Variants in NCK1 observed in about 807,000 individuals in gnomAD.
NCK1 encodes the protein NCK adaptor protein 1.
In NCK1, 19 loss-of-function variants were observed where a neutral mutation model predicts 36.6. The ratio of observed to expected loss-of-function variants is 0.52; its 90% CI spans 0.36 to 0.76. The LOEUF is 0.76. Among genes scored for constraint, NCK1 ranks in the 30% least tolerant of loss-of-function variants. The pLI is 0.00. For missense variants in NCK1, 358 were observed against 445.6 expected (o/e 0.80, Z 1.77); for synonymous variants, 165 against 156.0 (o/e 1.06, Z -0.43).
At position 136,913,435 on chromosome 3, in the gene NCK1, A is replaced by G. The variant is rs190700704; in HGVS notation, c.-18-14549A>G. 3.0e-3 allele frequency among the ~76,000 whole-genome samples: 454 copies of G among 151,908 alleles called. 1 individual carries two copies. Among genetic ancestry groups the G allele is most frequent in the African/African-American group, 9.6e-3 (396 of 41,428 alleles). On this transcript the variant is annotated intron_variant, in intron 1 of 3. Transcript: ENST00000481752. ...AAGTGTGCACCACTATGCCTGCCTA[A>G]TGTTTTATTTTTTGTAGAGACAGGG...
chr3:136,880,620 C>A (rs558925452), intron 1 of NCK1, among the ~76,000 whole-genome samples: 1 of 152,214 alleles, frequency 6.6e-6, no homozygotes, highest in South Asian at 2.1e-4. Context: ...TTAAGACAAT[C>A]AACAAACTTT....
At chr3:136,931,855 C>G (rs1576985593) in intron 2 of NCK1, among the ~76,000 whole-genome samples, 1 of 152,112 alleles carries the variant, frequency 6.6e-6, no homozygotes. Flanking sequence ...CGTGGCAGCT[C>G]AAGCCTGTAA....
Position 136,879,656 on chromosome 3 carries a change from T to G in NCK1, c.-19+17303T>G, listed in dbSNP as rs1467262338. On this transcript the variant is annotated intron_variant, in intron 1 of 3. Transcript: ENST00000481752. Reference sequence around the variant, plus strand: ...CTGGATAAAGAAAATGTGGCACATGTACACCATGGAATACTATGCAGCCAT... The same window carrying G: ...CTGGATAAAGAAAATGTGGCACATGGACACCATGGAATACTATGCAGCCAT... Among the ~76,000 whole-genome samples the G allele has an allele frequency of 2.6e-5, 4 of 152,140 alleles. No homozygotes were observed. In the East Asian group the frequency reaches 7.7e-4, roughly 29 times the overall value.
At chr3:136,876,012 C>G (rs1049140504) in intron 1 of NCK1, among the ~76,000 whole-genome samples, 1 of 151,870 alleles carries the variant, frequency 6.6e-6, no homozygotes, top group Non-Finnish European at 1.5e-5. Flanking sequence ...CTCAAAACCG[C>G]TCAACTACAT....
rs528140888 is a variant in NCK1, at chr3:136,877,331, C to CA, written c.-19+14985dup. Among the ~76,000 whole-genome samples, 62 of 151,972 alleles carry CA rather than the reference C, an allele frequency of 4.1e-4. No homozygotes were observed. In the East Asian group the frequency reaches 9.5e-3, roughly 23 times the overall value. On this transcript the variant is annotated intron_variant, in intron 1 of 3. Transcript: ENST00000481752. The stretch of plus-strand genomic sequence containing the variant: ...TGGAATTAAGCAAGAAATGGATTAC[C>CA]AAAAAAACTAGAAAATTGTCAGCTG...
chr3:136,948,155 T>C, intron 3 of NCK1, 104 bp from the exon 4 acceptor site: 1 of 837,918 alleles, frequency 1.2e-6, no homozygotes, highest in South Asian at 2.3e-5. Flanking sequence ...CCATGGTGCC[T>C]AGGACTTAGT....
chr3:136,910,936 C>T (rs1939815675), intron 1 of NCK1, among the ~76,000 whole-genome samples: 1 of 152,160 alleles, frequency 6.6e-6, no homozygotes, highest in Admixed American at 6.5e-5. Flanking sequence ...TGGCTTCTCC[C>T]CAGTCTCTGG....
rs1367313395 is a variant in NCK1, at chr3:136,949,745, CT to C, written c.*1293del. The C allele has an allele frequency of 1.3e-5, 2 of 151,976 alleles. No homozygotes were observed. The highest frequency in any genetic ancestry group is 2.9e-5 in the Non-Finnish European group (2 of 67,890). 9.4% of individuals were successfully genotyped at this position (151,976 alleles called of 1,614,324 possible). On this transcript the variant is annotated 3_prime_UTR_variant, in exon 4 of 4. Transcript: ENST00000481752. ...CTTTCAACAAATTCCCTAATGCTGC[CT>C]AAGCATATGGATGTTTTAATTCTTT... is the stretch of plus-strand genomic sequence containing the variant.
At chr3:136,930,120 T>C (rs1020078991) in intron 2 of NCK1, among the ~76,000 whole-genome samples, 3 of 152,206 alleles carry the variant, frequency 2.0e-5, no homozygotes, top group African/African-American at 7.2e-5. Context: ...AACTTTTCCC[T>C]TTTCTCATAA....
chr3:136,930,564 G>T, intron 2 of NCK1: 1 of 1,478,298 alleles, frequency 6.8e-7, no homozygotes, highest in Non-Finnish European at 9.0e-7. Context: ...ACTCAAAATG[G>T]ATTGGTTAAA....
chr3:136,934,644 T>A (rs1178864358), intron 2 of NCK1, among the ~76,000 whole-genome samples: 2 of 152,156 alleles, frequency 1.3e-5, no homozygotes. Flanking sequence ...CATTATCTTT[T>A]CTCCTACTCT....
In NCK1 at chr3:136,888,796, T is replaced by C. The variant is rs76435291; in HGVS notation, c.-19+26443T>C. Among the ~76,000 whole-genome samples, 4 of 152,320 alleles carry C rather than the reference T, an allele frequency of 2.6e-5. No individual in the cohort carries two copies. In the East Asian group the frequency reaches 7.7e-4, roughly 29 times the overall value. ...ATTTGCTCATTCTGAACCTTTCATA[T>C]ACATGGAATCATATAGTATGTGGTC... On this transcript the variant is annotated intron_variant, in intron 1 of 3. Transcript: ENST00000481752.
intron 2 of NCK1, among the ~76,000 whole-genome samples, chr3:136,939,015 T>G (rs903775203): frequency 7.2e-5 from 11 of 152,328 alleles, no homozygotes; most frequent in Middle Eastern, 3.4e-3. Context: ...AAGTATTCTC[T>G]CCTTTTTTCT....
intron 1 of NCK1, among the ~76,000 whole-genome samples, chr3:136,925,281 TC>T (rs1206945121): frequency 6.6e-6 from 1 of 152,172 alleles, no homozygotes; most frequent in Non-Finnish European, 1.5e-5. Context: ...ATATTCAGGA[TC>T]TTTTGAATAC....
rs1362438191 is a variant in NCK1, at chr3:136,949,262, T to C, written c.*809T>C. Reference sequence around the variant, plus strand: ...GTATTATTTTACCTCTAGAGCATCTTGTATTAGGACATGTTATATTTATGC... The same window carrying C: ...GTATTATTTTACCTCTAGAGCATCTCGTATTAGGACATGTTATATTTATGC... On this transcript the variant is annotated 3_prime_UTR_variant, in exon 4 of 4. Transcript: ENST00000481752. 1 of 152,048 alleles carries C rather than the reference T, an allele frequency of 6.6e-6. No individual in the cohort carries two copies. The highest frequency in any genetic ancestry group is 1.5e-5 in the Non-Finnish European group (1 of 67,906). The allele number at this position is 152,048 out of a possible 1,614,324, so 9.4% of individuals were successfully genotyped here.
rs1220434640 is a variant in NCK1, at chr3:136,948,465, A to G, written c.*12A>G. ...AGCATTTATCATGATACTGCTGACC[A>G]GAAGTGACTGCTGTGTAGCTGTAAT... On this transcript the variant is annotated 3_prime_UTR_variant, in exon 4 of 4. Coordinates refer to ENST00000481752, the MANE Select transcript of NCK1 (RefSeq NM_001291999.2). The G allele has an allele frequency of 6.2e-7, 1 of 1,605,250 alleles. No homozygotes were observed. Among genetic ancestry groups the G allele is most frequent in the Admixed American group, 1.7e-5 (1 of 59,556 alleles).
In NCK1 at chr3:136,881,202, T is replaced by TA. The variant is rs201476628; in HGVS notation, c.-19+18850dup. Reference sequence around the variant, plus strand: ...GTCAAGCAGCCATCATCTCTTCACTTACACTATTGGCCTCTTATTTTATTT... The same window carrying TA: ...GTCAAGCAGCCATCATCTCTTCACTTAACACTATTGGCCTCTTATTTTATTT... On this transcript the variant is annotated intron_variant, in intron 1 of 3. Coordinates refer to ENST00000481752, the MANE Select transcript of NCK1 (RefSeq NM_001291999.2). Among the ~76,000 whole-genome samples, 551 of 152,190 alleles carry TA rather than the reference T, an allele frequency of 3.6e-3. 3 individuals are homozygous for TA. The highest frequency in any genetic ancestry group is 0.01 in the African/African-American group (427 of 41,540).
At chr3:136,869,295 C>T (rs1046575307) in intron 1 of NCK1, among the ~76,000 whole-genome samples, 53 of 151,988 alleles carry the variant, frequency 3.5e-4, no homozygotes, top group Non-Finnish European at 5.9e-4. Flanking sequence ...TCCTGTAATC[C>T]CAGCGCTTTG....
At chr3:136,919,962 G>T (rs1940062670) in intron 1 of NCK1, among the ~76,000 whole-genome samples, 2 of 152,130 alleles carry the variant, frequency 1.3e-5, no homozygotes, top group Admixed American at 1.3e-4. Context: ...AAGTGACTAA[G>T]TCCGGAAGTT....
Sources: allele counts gnomAD v4.1 joint callset (sites outside exome capture counted in the v4.1 genomes callset), GRCh38; gene constraint gnomAD v4.1.1; transcripts MANE v1.5; gene names NCBI Gene and HGNC (gene_info 2026-07-23, HGNC 2026-07-21).